The following CABP5 variants were observed in gnomAD, a reference collection of about 807,000 sequenced individuals.
CABP5 encodes the protein calcium-binding protein 5.
Under a neutral mutation model 21.9 loss-of-function variants are expected in CABP5, and 17 were observed. That is an observed-to-expected ratio of 0.78 (90% CI 0.53 to 1.17). The LOEUF (loss-of-function observed/expected upper bound fraction) is 1.17, where lower values mean the gene tolerates loss of function less well. CABP5 is among the 50% of genes most tolerant of loss of function. CABP5 has a pLI of 0.00. For missense variants in CABP5, 229 were observed against 228.9 expected (o/e 1.00, Z 0.00); for synonymous variants, 85 against 79.4 (o/e 1.07, Z -0.37).
intron 3 of CABP5, among the ~76,000 whole-genome samples, 198 bp from the exon 4 acceptor site, chr19:48,039,515 T>G (rs1967452909): frequency 6.6e-6 from 1 of 151,886 alleles, no homozygotes; most frequent in African/African-American, 2.4e-5. Flanking sequence ...TAGGGTGTGG[T>G]ATGGTGGAAG....
rs112896271 is a variant in CABP5 at position 48,030,268 on chromosome 19, A to C, written c.*289T>G. On this transcript the variant is annotated 3_prime_UTR_variant, in exon 6 of 6. Coordinates refer to ENST00000293255, the MANE Select transcript of CABP5 (RefSeq NM_019855.5). The stretch of plus-strand genomic sequence containing the variant: ...GGACTTAGGACTACGTGAAGTGAAA[A>C]GATGTCAAGAATCATTGGAATTTTT... The C allele has an allele frequency of 7.6e-3, 3,073 of 403,050 alleles. 90 individuals carry two copies. Among genetic ancestry groups the C allele is most frequent in the African/African-American group, 0.057 (2,738 of 48,270 alleles). 25.0% of individuals were successfully genotyped at this position (403,050 alleles called of 1,614,324 possible).
chr19:48,035,861 G>A (rs1967402532), intron 4 of CABP5, among the ~76,000 whole-genome samples: 1 of 152,224 alleles, frequency 6.6e-6, no homozygotes, highest in African/African-American at 2.4e-5. Flanking sequence ...TCAGGATTTG[G>A]TTCTGAGTAA....
intron 3 of CABP5, among the ~76,000 whole-genome samples, chr19:48,039,550 A>C (rs996623044): frequency 6.6e-6 from 1 of 152,110 alleles, no homozygotes; most frequent in African/African-American, 2.4e-5. Context: ...ACTTTCAGAC[A>C]GTTGGTTAAG....
chr19:48,030,865 C>T (rs1156536099), intron 5 of CABP5, among the ~76,000 whole-genome samples: 3 of 151,992 alleles, frequency 2.0e-5, no homozygotes, highest in African/African-American at 4.8e-5. Flanking sequence ...CGGTGGCTCA[C>T]GCCTGTAATC....
At chr19:48,038,886 A>G (rs1299572555) in intron 4 of CABP5, among the ~76,000 whole-genome samples, 2 of 151,988 alleles carry the variant, frequency 1.3e-5, no homozygotes, top group African/African-American at 2.4e-5. Flanking sequence ...AAGATTTATA[A>G]TCTTCATGAG....
rs1024380501 is a variant in CABP5, at chr19:48,030,159, G to A, written c.*398C>T. ...CAGGCAGGGGAAGAGTAGAGACTAC[G>A]TTCTGAACCTTTTGATACCCAACAG... On this transcript the variant is annotated 3_prime_UTR_variant, in exon 6 of 6. Transcript: ENST00000293255. 4.8e-5 allele frequency: 9 copies of A among 188,134 alleles called. No homozygotes were observed. The highest frequency in any genetic ancestry group is 3.6e-4 in the Admixed American group (6 of 16,490). The allele number at this position is 188,134 out of a possible 1,614,324, so 11.7% of individuals were successfully genotyped here.
At chr19:48,036,502 G>T (rs1281837473) in intron 4 of CABP5, among the ~76,000 whole-genome samples, 1 of 152,216 alleles carries the variant, frequency 6.6e-6, no homozygotes, top group Non-Finnish European at 1.5e-5. Context: ...AAGGATAGTT[G>T]CTGGGGGTTA....
Position 48,041,605 on chromosome 19 carries a change from T to C in CABP5, c.64-2A>G. The C allele has an allele frequency of 6.2e-7, 1 of 1,610,706 alleles. No homozygotes were observed. Among genetic ancestry groups the C allele is most frequent in the Non-Finnish European group, 8.5e-7 (1 of 1,179,024 alleles). The stretch of plus-strand genomic sequence containing the variant: ...CTCATCTTGTCCCAGTGGTCTTTCC[T>C]GGAAAGGAATGCAGATGAGAGGGAA... On this transcript the variant is annotated splice_acceptor_variant, in intron 1 of 5. Transcript: ENST00000293255. LOFTEE classifies it high-confidence loss of function.
chr19:48,032,636 T>TTTTC (rs140640713), intron 5 of CABP5, among the ~76,000 whole-genome samples: 28,401 of 144,044 alleles, frequency 0.2, 3,668 homozygotes, highest in Non-Finnish European at 0.28. Context: ...CCTTTTTTTC[T>TTTTC]TTTTTTCTTT....
At chr19:48,032,425 G>A (rs1442980170) in intron 5 of CABP5, among the ~76,000 whole-genome samples, 1 of 150,474 alleles carries the variant, frequency 6.6e-6, no homozygotes, top group Admixed American at 6.6e-5. Flanking sequence ...CGCCTCCCAA[G>A]TTCAAGCAAT....
In CABP5 at chr19:48,029,467, C is replaced by G. The variant is rs1369841427; in HGVS notation, c.*1090G>C. 6.6e-6 allele frequency among the ~76,000 whole-genome samples: 1 copy of G among 151,986 alleles called. No individual in the cohort carries two copies. Among genetic ancestry groups the G allele is most frequent in the Non-Finnish European group, 1.5e-5 (1 of 68,012 alleles). ...TTTGGGCGGAGGTCAGGAGGAATCTCTCTTTTCTGTTTCATGGCACAGATC... is the reference window on the plus strand; with the variant it reads ...TTTGGGCGGAGGTCAGGAGGAATCTGTCTTTTCTGTTTCATGGCACAGATC... On this transcript the variant is annotated 3_prime_UTR_variant, in exon 6 of 6. Transcript: ENST00000293255.
chr19:48,034,689 G>A (rs906598384), intron 4 of CABP5, among the ~76,000 whole-genome samples: 3 of 151,844 alleles, frequency 2.0e-5, no homozygotes, highest in Admixed American at 6.6e-5. Flanking sequence ...GGGATTACAG[G>A]CGCGCACCAC....
intron 4 of CABP5, among the ~76,000 whole-genome samples, chr19:48,036,241 G>A (rs1308521991): frequency 6.6e-6 from 1 of 152,120 alleles, no homozygotes; most frequent in Non-Finnish European, 1.5e-5. Flanking sequence ...CATGTGGAAG[G>A]CACCGTTCTT....
At chr19:48,037,101 AAAGT>A (rs1418849492) in intron 4 of CABP5, among the ~76,000 whole-genome samples, 1 of 152,184 alleles carries the variant, frequency 6.6e-6, no homozygotes, top group African/African-American at 2.4e-5. Context: ...GTATGTATCT[AAAGT>A]AATTGAAATC....
chr19:48,036,865 G>A (rs989730207), intron 4 of CABP5, among the ~76,000 whole-genome samples: 1 of 152,158 alleles, frequency 6.6e-6, no homozygotes, highest in African/African-American at 2.4e-5. Flanking sequence ...AATCATTTGG[G>A]AAATTTAAAT....
At chr19:48,034,842 G>A (rs918344307) in intron 4 of CABP5, among the ~76,000 whole-genome samples, 1 of 151,864 alleles carries the variant, frequency 6.6e-6, no homozygotes, top group African/African-American at 2.4e-5. Context: ...CACTGTGCCC[G>A]GCCGAAACTT....
In CABP5 at chr19:48,044,059, G is replaced by C. The variant is rs1967518548; in HGVS notation, c.-137C>G. 4.4e-6 allele frequency: 3 copies of C among 676,464 alleles called. No homozygotes were observed. Among genetic ancestry groups the C allele is most frequent in the Non-Finnish European group, 7.1e-6 (3 of 423,498 alleles). The allele number at this position is 676,464 out of a possible 1,614,324, so 41.9% of individuals were successfully genotyped here. ...CCTGCCTCTCTTGGCTTCTCCTTCGGTCCCGGTGTCTTAGAGCTGTGACAG... is the reference window on the plus strand; with the variant it reads ...CCTGCCTCTCTTGGCTTCTCCTTCGCTCCCGGTGTCTTAGAGCTGTGACAG... On this transcript the variant is annotated 5_prime_UTR_variant, in exon 1 of 6. Coordinates refer to ENST00000293255, the MANE Select transcript of CABP5 (RefSeq NM_019855.5).
intron 5 of CABP5, among the ~76,000 whole-genome samples, chr19:48,033,496 C>T (rs1053291569): frequency 3.0e-4 from 46 of 152,140 alleles, no homozygotes; most frequent in African/African-American, 9.2e-4. Context: ...AGAGATGCCA[C>T]GAATCCGTAT....
chr19:48,042,059 C>A (rs1967488418), intron 1 of CABP5, among the ~76,000 whole-genome samples: 1 of 152,152 alleles, frequency 6.6e-6, no homozygotes, highest in Non-Finnish European at 1.5e-5. Context: ...CATGAGAAAG[C>A]TGAGGAACAG....
Sources: allele counts gnomAD v4.1 joint callset (sites outside exome capture counted in the v4.1 genomes callset), GRCh38; gene constraint gnomAD v4.1.1; transcripts MANE v1.5; gene names NCBI Gene and HGNC (gene_info 2026-07-23, HGNC 2026-07-21).